Variants in SNW1 observed in about 807,000 individuals in gnomAD.
The protein encoded by SNW1 is SNW domain containing 1.
A neutral mutation model predicts 75.6 loss-of-function variants in SNW1; 9 were observed. The ratio of observed to expected loss-of-function variants is 0.12; its 90% CI spans 0.07 to 0.21. The LOEUF (loss-of-function observed/expected upper bound fraction) is 0.21, where lower values mean the gene tolerates loss of function less well. Ranked by LOEUF, SNW1 falls within the 10% of genes least tolerant of loss-of-function variation. SNW1 has a pLI of 1.00. For synonymous variants in SNW1, 200 were observed against 219.1 expected (o/e 0.91, Z 0.77); for missense variants, 409 against 670.9 (o/e 0.61, Z 4.31).
At chr14:77,744,446 C>CAAAAAAAAAAAAAAAA (rs11335115) in intron 3 of SNW1, among the ~76,000 whole-genome samples, 3 of 82,960 alleles carry the variant, frequency 3.6e-5, no homozygotes, top group African/African-American at 1.0e-4. Flanking sequence ...GTCTCCATCT[C>CAAAAAAAAAAAAAAAA]AAAAAAAAAA....
At chr14:77,734,831 G>C (rs973594385) in intron 8 of SNW1, 116 bp downstream of exon 8, 1 of 683,554 alleles carries the variant, frequency 1.5e-6, no homozygotes, top group Admixed American at 2.6e-5. Context: ...ATTCCTTTTT[G>C]AAAATGCTCA....
chr14:77,750,646 A>G (rs888428042), intron 3 of SNW1, among the ~76,000 whole-genome samples: 2 of 143,790 alleles, frequency 1.4e-5, no homozygotes, highest in Admixed American at 1.5e-4. Context: ...TTTCACTTCT[A>G]TCTTGAGTAT....
At chr14:77,724,815 G>A (rs2080571930) in intron 10 of SNW1, among the ~76,000 whole-genome samples, 2 of 152,204 alleles carry the variant, frequency 1.3e-5, no homozygotes, top group African/African-American at 4.8e-5. Flanking sequence ...ACATGGAAGT[G>A]CAGATATCCC....
chr14:77,727,477 A>G (rs1233111971), intron 10 of SNW1, among the ~76,000 whole-genome samples: 1 of 152,204 alleles, frequency 6.6e-6, no homozygotes, highest in Non-Finnish European at 1.5e-5. Context: ...CAGATCTCTG[A>G]GTAAAGACTT....
At chr14:77,759,101 G>A (rs1024573680) in intron 1 of SNW1, among the ~76,000 whole-genome samples, 2 of 152,216 alleles carry the variant, frequency 1.3e-5, no homozygotes, top group East Asian at 3.8e-4. Context: ...TGATTTAAAG[G>A]ATATTACAAA....
chr14:77,738,007 A>G (rs1286642593), intron 5 of SNW1, among the ~76,000 whole-genome samples: 4 of 150,082 alleles, frequency 2.7e-5, no homozygotes, highest in Admixed American at 6.6e-5. Flanking sequence ...AAAAAAAAAA[A>G]AAAGAAAATA....
At position 77,739,062 on chromosome 14, in the gene SNW1, C is replaced by G. The variant is rs1457375869; in HGVS notation, c.331-1G>C. On this transcript the variant is annotated splice_acceptor_variant, in intron 3 of 13. Coordinates refer to ENST00000261531, the MANE Select transcript of SNW1 (RefSeq NM_012245.3). LOFTEE classifies it high-confidence loss of function. ...GGTCAGTGTATTTGCTATAAATGACCTAAAATGTTCAAACACAAGCAGGCT... is the reference window on the plus strand; with the variant it reads ...GGTCAGTGTATTTGCTATAAATGACGTAAAATGTTCAAACACAAGCAGGCT... 1 of 1,609,500 alleles carries G rather than the reference C, an allele frequency of 6.2e-7. No homozygotes were observed. Among genetic ancestry groups the G allele is most frequent in the Non-Finnish European group, 8.5e-7 (1 of 1,176,698 alleles).
At chr14:77,739,088 T>C in intron 3 of SNW1, 27 bp from the exon 4 acceptor site, 1 of 1,552,720 alleles carries the variant, frequency 6.4e-7, no homozygotes, top group Non-Finnish European at 8.9e-7. Flanking sequence ...CAAGCAGGCT[T>C]AAGAAAAGCA....
At chr14:77,758,995 T>G (rs2080864121) in intron 1 of SNW1, among the ~76,000 whole-genome samples, 1 of 152,258 alleles carries the variant, frequency 6.6e-6, no homozygotes, top group Non-Finnish European at 1.5e-5. Context: ...CCAAGGCCAC[T>G]GGCCAACTAA....
At position 77,738,800 on chromosome 14, in the gene SNW1, A is replaced by G. The variant is rs1460453200; in HGVS notation, c.511T>C (p.Leu171=). The G allele has an allele frequency of 3.1e-6, 5 of 1,613,990 alleles. No homozygotes were observed. In the South Asian group the frequency reaches 5.5e-5, roughly 18 times the overall value. Residue 171 remains leucine (L), a synonymous_variant, in exon 5 of 14, where the codon TTG becomes CTG. Coordinates refer to ENST00000261531, the MANE Select transcript of SNW1 (RefSeq NM_012245.3). Reference sequence around the variant, plus strand: ...TACCGGATATACTGAGCAGGAGCCAATTTGTCAGCTGCTCGAACTGGCATG... The same window carrying G: ...TACCGGATATACTGAGCAGGAGCCAGTTTGTCAGCTGCTCGAACTGGCATG... ...AAMPVRAADK[L]APAQYIRYTP... is the part of the protein sequence containing the mutation.
chr14:77,755,967 G>A (rs1371429540), intron 1 of SNW1, among the ~76,000 whole-genome samples: 3 of 151,964 alleles, frequency 2.0e-5, no homozygotes, highest in South Asian at 2.1e-4. Context: ...TCGAACTCCC[G>A]ACCGCAGGTG....
At chr14:77,722,553 G>A (rs1027251812) in intron 11 of SNW1, 8 of 437,730 alleles carry the variant, frequency 1.8e-5, no homozygotes, top group African/African-American at 4.1e-5. Flanking sequence ...GAAAAAGAAC[G>A]GACTATAACA....
At chr14:77,723,873 G>A (rs1595074595) in intron 10 of SNW1, among the ~76,000 whole-genome samples, 1 of 152,126 alleles carries the variant, frequency 6.6e-6, no homozygotes, top group African/African-American at 2.4e-5. Flanking sequence ...TCAAACTCCT[G>A]ACCTCAAGTG....
chr14:77,751,179 CTGGGA>C, intron 3 of SNW1, 135 bp downstream of exon 3: 6 of 788,022 alleles, frequency 7.6e-6, no homozygotes, highest in Non-Finnish European at 1.2e-5. Flanking sequence ...TCCCAAGTAG[CTGGGA>C]ATATAGGTAC....
At chr14:77,754,005 T>C (rs1286218383) in intron 2 of SNW1, among the ~76,000 whole-genome samples, 1 of 151,786 alleles carries the variant, frequency 6.6e-6, no homozygotes, top group Non-Finnish European at 1.5e-5. Flanking sequence ...CCTGAGTAAT[T>C]AGAATAGGTG....
chr14:77,732,043 A>G (rs751734298), intron 9 of SNW1, among the ~76,000 whole-genome samples: 12 of 152,188 alleles, frequency 7.9e-5, no homozygotes, highest in Non-Finnish European at 1.6e-4. Flanking sequence ...GCCTAATTCC[A>G]TAATATTTAA....
chr14:77,745,373 G>A (rs1294740467), intron 3 of SNW1, among the ~76,000 whole-genome samples: 1 of 152,026 alleles, frequency 6.6e-6, no homozygotes, highest in Non-Finnish European at 1.5e-5. Context: ...GGAACTACAA[G>A]TAGTTCCTCA....
intron 1 of SNW1, among the ~76,000 whole-genome samples, chr14:77,758,315 C>CAAAAAAAAAAAAAAAAAAAA (rs55707854): frequency 2.3e-5 from 2 of 85,826 alleles, no homozygotes; most frequent in Non-Finnish European, 4.1e-5. Flanking sequence ...GACTCTGCCA[C>CAAAAAAAAAAAAAAAAAAAA]AAAAAAAAAA....
At chr14:77,736,104 C>A in intron 6 of SNW1, 98 bp from the exon 7 acceptor site, 1 of 828,208 alleles carries the variant, frequency 1.2e-6, no homozygotes, top group Admixed American at 2.5e-5. Flanking sequence ...AAGTTTCAAA[C>A]ATAGACAAAA....
Sources: gnomAD v4.1 joint callset for allele counts (sites outside exome capture counted in the v4.1 genomes callset) on GRCh38, gnomAD v4.1.1 for gene constraint, MANE v1.5 for transcripts, NCBI Gene and HGNC (gene_info 2026-07-23, HGNC 2026-07-21) for gene names.